The following PRDM10 variants were observed in gnomAD, a reference collection of about 807,000 sequenced individuals.
PRDM10 encodes PR domain zinc finger protein 10.
In PRDM10, 65 loss-of-function variants were observed where a neutral mutation model predicts 133.1. The ratio of observed to expected loss-of-function variants is 0.49; its 90% CI spans 0.40 to 0.60. PRDM10 has a LOEUF of 0.60. Among genes scored for constraint, PRDM10 ranks in the 20% least tolerant of loss-of-function variants. The probability of loss-of-function intolerance (pLI) is 0.00; values close to 1 mark genes in which losing one functional copy is unlikely to be tolerated. For synonymous variants in PRDM10, 582 were observed against 580.4 expected, an observed-to-expected ratio of 1.00 and a Z score of -0.04; for missense variants, 1,137 against 1,507.1, an observed-to-expected ratio of 0.75 and a Z score of 4.07.
At chr11:129,938,368 C>T (rs956960117) in intron 7 of PRDM10, among the ~76,000 whole-genome samples, 1 of 152,164 alleles carries the variant, frequency 6.6e-6, no homozygotes, top group Non-Finnish European at 1.5e-5. Flanking sequence ...CAATGCTTTC[C>T]AACTCACACC....
chr11:129,976,493 C>T (rs1456425071), intron 1 of PRDM10, among the ~76,000 whole-genome samples: 2 of 152,100 alleles, frequency 1.3e-5, no homozygotes, highest in Admixed American at 6.5e-5. Flanking sequence ...TTAATGGTCA[C>T]GACAACTCAA....
At chr11:129,986,704 A>G (rs1938458484) in intron 1 of PRDM10, among the ~76,000 whole-genome samples, 1 of 152,180 alleles carries the variant, frequency 6.6e-6, no homozygotes, top group Non-Finnish European at 1.5e-5. Flanking sequence ...GGAGGGCAAC[A>G]GATCTCTAGG....
At chr11:129,939,217 T>C (rs3133380) in intron 7 of PRDM10, among the ~76,000 whole-genome samples, 9,927 of 152,330 alleles carry the variant, frequency 0.065, 436 homozygotes, top group Admixed American at 0.096. Flanking sequence ...TCCCTGAACA[T>C]AGGGAGCTGG....
rs1033133196 is a variant in PRDM10 at position 129,900,712 on chromosome 11, A to G, written c.*1601T>C. ...ACCTGTGTTTTGCAATGCAGGGTCA[A>G]TATTTTCTGTTGAATATCTTTGTCA... is the stretch of plus-strand genomic sequence containing the variant. On this transcript the variant is annotated 3_prime_UTR_variant, in exon 21 of 21. Coordinates refer to ENST00000360871, the MANE Select transcript of PRDM10 (RefSeq NM_199437.2). 1 of 152,248 alleles carries G rather than the reference A, an allele frequency of 6.6e-6. No individual in the cohort carries two copies. Among genetic ancestry groups the G allele is most frequent in the African/African-American group, 2.4e-5 (1 of 41,468 alleles). The allele number at this position is 152,248 out of a possible 1,614,324, so 9.4% of individuals were successfully genotyped here.
intron 10 of PRDM10, 21 bp downstream of exon 10, chr11:129,932,081 C>T (rs773339646): frequency 1.9e-6 from 3 of 1,608,894 alleles, no homozygotes; most frequent in South Asian, 2.2e-5. Context: ...CTAAGGAGGG[C>T]TCCTTCCCGT....
chr11:129,905,793 T>A, intron 19 of PRDM10, 52 bp from the exon 20 acceptor site: 2 of 1,499,482 alleles, frequency 1.3e-6, no homozygotes, highest in East Asian at 2.3e-5. Flanking sequence ...TTAACACAAG[T>A]CTTAGAAACA....
intron 11 of PRDM10, among the ~76,000 whole-genome samples, chr11:129,929,877 G>A (rs932953206): frequency 6.6e-6 from 1 of 152,064 alleles, no homozygotes; most frequent in Non-Finnish European, 1.5e-5. Flanking sequence ...AACTAAAGGA[G>A]AAGGATGGAT....
intron 15 of PRDM10, 85 bp downstream of exon 15, chr11:129,917,042 T>C: frequency 1.1e-6 from 1 of 898,716 alleles, no homozygotes. Flanking sequence ...AACAAAAAAA[T>C]CGTAGTATAT....
At chr11:129,903,797 G>A (rs540257047) in intron 20 of PRDM10, among the ~76,000 whole-genome samples, 3 of 152,216 alleles carry the variant, frequency 2.0e-5, no homozygotes, top group South Asian at 4.1e-4. Flanking sequence ...ACGTGGGGAG[G>A]GGGCTGTTTC....
Position 129,944,846 on chromosome 11 carries a change from C to G in PRDM10, c.687G>C (p.Lys229Asn). 1.2e-6 allele frequency: 2 copies of G among 1,614,120 alleles called. No individual in the cohort carries two copies. Residue 229 changes from lysine to asparagine, a missense_variant, in exon 6 of 21, where the codon AAG (lysine) becomes AAC (asparagine). Lys to Asn is a moderately conservative substitution (Grantham distance 94). Transcript: ENST00000360871. ...CCTCCACGGGGCCAAACTGGGTGCG[C>G]TTGGGGATGCGCCGCTTGGAGAACA... ...GGVFSKRRIP[K>N]RTQFGPVEGP...
At chr11:129,946,449 G>A (rs2135881306) in intron 5 of PRDM10, among the ~76,000 whole-genome samples, 1 of 152,192 alleles carries the variant, frequency 6.6e-6, no homozygotes, top group South Asian at 2.1e-4. Flanking sequence ...AAGCTCTGAA[G>A]AGCCTCAGTA....
chr11:129,927,116 A>AG (rs1253749553), intron 11 of PRDM10, among the ~76,000 whole-genome samples: 1 of 130,596 alleles, frequency 7.7e-6, no homozygotes, highest in African/African-American at 2.7e-5. Flanking sequence ...GCTACTTGGG[A>AG]GGCTGAGGCA....
intron 4 of PRDM10, among the ~76,000 whole-genome samples, chr11:129,950,065 G>T (rs1951543457): frequency 6.6e-6 from 1 of 151,592 alleles, no homozygotes; most frequent in African/African-American, 2.4e-5. Context: ...GTGAAACCCT[G>T]TCTCTACAAA....
intron 19 of PRDM10, among the ~76,000 whole-genome samples, chr11:129,907,374 G>C (rs1234784946): frequency 6.6e-6 from 1 of 152,198 alleles, no homozygotes; most frequent in African/African-American, 2.4e-5. Context: ...CAATTGCAAT[G>C]TATGGCCCTT....
At chr11:129,987,061 C>T (rs868843699) in intron 1 of PRDM10, among the ~76,000 whole-genome samples, 1 of 152,264 alleles carries the variant, frequency 6.6e-6, no homozygotes, top group African/African-American at 2.4e-5. Flanking sequence ...TGCTATTGTG[C>T]AGTCAAAATA....
chr11:129,900,344 A>AAAG lies in PRDM10; in HGVS notation c.*1966_*1968dup, dbSNP rs57861880. ...AGAGTCTTTATTTCACTTAAGGACC[A>AAAG]AAGAAGAAGAAGAAGAAGAAGAAGA... On this transcript the variant is annotated 3_prime_UTR_variant, in exon 21 of 21. Coordinates refer to ENST00000360871, the MANE Select transcript of PRDM10 (RefSeq NM_199437.2). The AAAG allele has an allele frequency of 0.28, 42,106 of 151,082 alleles. 6,044 individuals are homozygous for AAAG. Among genetic ancestry groups the AAAG allele is most frequent in the East Asian group, 0.49 (2,519 of 5,098 alleles). The allele number at this position is 151,082 out of a possible 1,614,324, so 9.4% of individuals were successfully genotyped here.
rs538991130 is a variant in PRDM10, at chr11:129,945,166, C to A, written c.521-154G>T. On this transcript the variant is annotated intron_variant, in intron 5 of 20. Coordinates refer to ENST00000360871, the MANE Select transcript of PRDM10 (RefSeq NM_199437.2). The surrounding 1 kb of genome is among the most constrained non-coding windows in gnomAD (Gnocchi z 4.2). ...GCTACCCATTCAACGGTAATACATTCTCTCTGGGAGACCAGTAAAAATCCT... is the reference window on the plus strand; with the variant it reads ...GCTACCCATTCAACGGTAATACATTATCTCTGGGAGACCAGTAAAAATCCT... 6.6e-6 allele frequency among the ~76,000 whole-genome samples: 1 copy of A among 152,192 alleles called. No individual in the cohort carries two copies. Among genetic ancestry groups the A allele is most frequent in the Admixed American group, 6.5e-5 (1 of 15,280 alleles).
rs188927666 is a variant in PRDM10 at position 129,935,014 on chromosome 11, G to A, written c.1157+87C>T. ...GGTTACCTATCTATACATGACACTCGGAGACACTCATTAGCTAGTGGACAA... is the reference window on the plus strand; with the variant it reads ...GGTTACCTATCTATACATGACACTCAGAGACACTCATTAGCTAGTGGACAA... On this transcript the variant is annotated intron_variant, in intron 9 of 20. Coordinates refer to ENST00000360871, the MANE Select transcript of PRDM10 (RefSeq NM_199437.2). The A allele has an allele frequency of 1.7e-4, 193 of 1,160,404 alleles. No homozygotes were observed. The East Asian group carries it at 3.6e-3, about 21-fold the overall frequency. The allele number at this position is 1,160,404 out of a possible 1,614,324, so 71.9% of individuals were successfully genotyped here. A position where few individuals can be genotyped will look rare whatever the true frequency, so the allele number is the denominator to read the frequency against.
intron 1 of PRDM10, among the ~76,000 whole-genome samples, chr11:129,980,369 G>A (rs574877478): frequency 3.9e-5 from 6 of 152,296 alleles, no homozygotes; most frequent in South Asian, 2.1e-4. Flanking sequence ...TGGCCTAGGA[G>A]GACAACAGCA....
Sources: allele counts gnomAD v4.1 joint callset (sites outside exome capture counted in the v4.1 genomes callset), GRCh38; gene constraint gnomAD v4.1.1; non-coding constraint Gnocchi (gnomAD v3.1); transcripts MANE v1.5; gene names NCBI Gene and HGNC (gene_info 2026-07-23, HGNC 2026-07-21).